The following ZPBP variants were observed in gnomAD, a reference collection of about 807,000 sequenced individuals.
ZPBP encodes the protein zona pellucida-binding protein 1.
In ZPBP, 26 loss-of-function variants were observed where a neutral mutation model predicts 44.8. That is an observed-to-expected ratio of 0.58 (90% CI 0.43 to 0.81). The LOEUF is 0.81. Ranked by LOEUF, ZPBP falls within the 30% of genes least tolerant of loss-of-function variation. The pLI is 0.00. For missense variants in ZPBP, 409 were observed against 434.0 expected, an observed-to-expected ratio of 0.94 and a Z score of 0.51; for synonymous variants, 174 against 153.2, an observed-to-expected ratio of 1.14 and a Z score of -1.00.
At chr7:50,017,470 T>C (rs1441667958) in intron 6 of ZPBP, among the ~76,000 whole-genome samples, 1 of 152,126 alleles carries the variant, frequency 6.6e-6, no homozygotes, top group Non-Finnish European at 1.5e-5. Context: ...AGGCCATGGA[T>C]TGGTACCAGT....
intron 5 of ZPBP, among the ~76,000 whole-genome samples, chr7:50,019,680 T>C (rs978001573): frequency 1.3e-5 from 2 of 152,092 alleles, no homozygotes; most frequent in Non-Finnish European, 2.9e-5. Flanking sequence ...TGTTTAAACA[T>C]ATTTCTTTCA....
intron 4 of ZPBP, among the ~76,000 whole-genome samples, chr7:50,042,906 C>A (rs1010493627): frequency 2.0e-5 from 3 of 152,076 alleles, no homozygotes; most frequent in Admixed American, 6.6e-5. Context: ...CTGTTGGGAA[C>A]AAACCCCCAA....
intron 7 of ZPBP, among the ~76,000 whole-genome samples, chr7:49,965,931 A>C (rs1406675774): frequency 6.6e-6 from 1 of 152,096 alleles, no homozygotes; most frequent in Non-Finnish European, 1.5e-5. Context: ...AACAACTGAG[A>C]CATACCATGA....
chr7:49,904,961 C>T (rs930513653), intron 1 of ZPBP, among the ~76,000 whole-genome samples: 3 of 151,996 alleles, frequency 2.0e-5, no homozygotes, highest in African/African-American at 4.8e-5. Context: ...GTCTTGAACT[C>T]CTGACCTCAT....
chr7:49,966,683 G>A (rs947365195), intron 7 of ZPBP, among the ~76,000 whole-genome samples: 17 of 152,068 alleles, frequency 1.1e-4, no homozygotes, highest in Non-Finnish European at 1.8e-4. Flanking sequence ...GAGGTCCAAC[G>A]AAAGCAATGC....
At chr7:49,986,959 C>G (rs1450162105) in intron 6 of ZPBP, among the ~76,000 whole-genome samples, 1 of 152,134 alleles carries the variant, frequency 6.6e-6, no homozygotes, top group Non-Finnish European at 1.5e-5. Flanking sequence ...GTTTTATGTC[C>G]TTGGAAGCAT....
chr7:50,035,000 C>A (rs948461619), intron 4 of ZPBP, among the ~76,000 whole-genome samples: 2 of 152,234 alleles, frequency 1.3e-5, no homozygotes, highest in Non-Finnish European at 2.9e-5. Context: ...TGCCCGATGG[C>A]AGGACACCAA....
chr7:50,009,953 C>A (rs958756655), intron 6 of ZPBP, among the ~76,000 whole-genome samples: 1 of 151,974 alleles, frequency 6.6e-6, no homozygotes, highest in African/African-American at 2.4e-5. Flanking sequence ...GATCTGTATA[C>A]TGAAAATTAC....
chr7:49,882,985 C>T (rs948759316), intron 2 of ZPBP, among the ~76,000 whole-genome samples: 1 of 152,032 alleles, frequency 6.6e-6, no homozygotes, highest in Non-Finnish European at 1.5e-5. Flanking sequence ...GTCTCCATTT[C>T]ATCTCTGCCC....
chr7:50,053,772 T>G (rs997540721), intron 4 of ZPBP, among the ~76,000 whole-genome samples: 42 of 152,192 alleles, frequency 2.8e-4, no homozygotes, highest in African/African-American at 9.7e-4. Flanking sequence ...AGGTTTTAAG[T>G]GTCTTAAGAA....
At chr7:50,046,074 T>C (rs970329032) in intron 4 of ZPBP, among the ~76,000 whole-genome samples, 5 of 152,204 alleles carry the variant, frequency 3.3e-5, no homozygotes, top group African/African-American at 4.8e-5. Flanking sequence ...TAAATGGTGT[T>C]GGGAAAACTG....
chr7:49,897,553 T>TA (rs1410241239), intron 2 of ZPBP, among the ~76,000 whole-genome samples: 1 of 152,174 alleles, frequency 6.6e-6, no homozygotes, highest in African/African-American at 2.4e-5. Flanking sequence ...AACTCTATCC[T>TA]AAAAACAGGT....
chr7:49,843,629 C>T, the ZPBP span, among the ~76,000 whole-genome samples: 1 of 152,106 alleles, frequency 6.6e-6, no homozygotes, highest in African/African-American at 2.4e-5. Context: ...ATGTCCACAA[C>T]GTAGGTAAAG....
chr7:49,931,594 T>C (rs1794446662), intron 1 of ZPBP, among the ~76,000 whole-genome samples: 1 of 152,168 alleles, frequency 6.6e-6, no homozygotes, highest in African/African-American at 2.4e-5. Context: ...AGAAAAGTGT[T>C]CAAGAAGAAG....
At chr7:50,092,952 G>T in intron 1 of ZPBP, 116 bp downstream of exon 1, 1 of 1,404,170 alleles carries the variant, frequency 7.1e-7, no homozygotes, top group South Asian at 1.5e-5. Context: ...TCACGTATTA[G>T]TGAGCAAGGT....
At chr7:49,957,786 T>C (rs545878113) in intron 7 of ZPBP, among the ~76,000 whole-genome samples, 1 of 152,220 alleles carries the variant, frequency 6.6e-6, no homozygotes, top group African/African-American at 2.4e-5. Context: ...GAGTCTCCAC[T>C]ACAGTAATAC....
intron 4 of ZPBP, among the ~76,000 whole-genome samples, chr7:50,038,399 G>T (rs1298919084): frequency 6.6e-6 from 1 of 152,226 alleles, no homozygotes; most frequent in Admixed American, 6.5e-5. Flanking sequence ...CCTAGGAGAA[G>T]CAATACTGGG....
chr7:49,883,098 A>C (rs79098362), intron 2 of ZPBP, among the ~76,000 whole-genome samples: 5,094 of 152,174 alleles, frequency 0.033, 131 homozygotes, highest in Non-Finnish European at 0.051. Flanking sequence ...AATGGGCCAG[A>C]GATTTCCCAA....
At chr7:50,046,506 AAAG>A (rs1800369594) in intron 4 of ZPBP, among the ~76,000 whole-genome samples, 1 of 152,216 alleles carries the variant, frequency 6.6e-6, no homozygotes, top group Admixed American at 6.5e-5. Context: ...ACACTTCTCA[AAAG>A]AAGACATTTA....
Sources: allele counts gnomAD v4.1 joint callset (sites outside exome capture counted in the v4.1 genomes callset), GRCh38; gene constraint gnomAD v4.1.1; transcripts MANE v1.5; gene names NCBI Gene and HGNC (gene_info 2026-07-23, HGNC 2026-07-21).